The following PABPC4L variants were observed in gnomAD, a reference collection of about 807,000 sequenced individuals.
PABPC4L encodes the protein polyadenylate-binding protein 4-like.
For missense variants in PABPC4L, 452 were observed against 451.4 expected (o/e 1.00, Z -0.01); for synonymous variants, 169 against 164.1 (o/e 1.03, Z -0.23).
At chr4:133,994,853 C>T in the PABPC4L span, among the ~76,000 whole-genome samples, 5 of 152,300 alleles carry the variant, frequency 3.3e-5, no homozygotes, top group East Asian at 9.7e-4. Flanking sequence ...TTAATTACCC[C>T]TGTGATCACA....
At chr4:134,032,242 T>C in the PABPC4L span, among the ~76,000 whole-genome samples, 4 of 151,960 alleles carry the variant, frequency 2.6e-5, no homozygotes, top group Non-Finnish European at 4.4e-5. Context: ...AAAAATATAA[T>C]GTATGTTCCA....
chr4:133,980,911 A>AGGC, the PABPC4L span, among the ~76,000 whole-genome samples: 1 of 152,172 alleles, frequency 6.6e-6, no homozygotes, highest in Non-Finnish European at 1.5e-5. Flanking sequence ...TAATCCCAAA[A>AGGC]CTTTGGGAGG....
At chr4:134,193,943 A>T (rs1460260936), downstream of PABPC4L, among the ~76,000 whole-genome samples, 1 of 151,932 alleles carries the variant, frequency 6.6e-6, no homozygotes. Flanking sequence ...TTGGAATTTC[A>T]TGCTTTTATA....
At chr4:133,957,665 C>T in the PABPC4L span, among the ~76,000 whole-genome samples, 2 of 152,200 alleles carry the variant, frequency 1.3e-5, no homozygotes, top group South Asian at 2.1e-4. Context: ...GAGGGATGCA[C>T]CCCAGCAGTA....
At chr4:134,049,192 A>G in the PABPC4L span, among the ~76,000 whole-genome samples, 1 of 152,046 alleles carries the variant, frequency 6.6e-6, no homozygotes, top group Non-Finnish European at 1.5e-5. Flanking sequence ...AATAACACAA[A>G]TATTTTTGTC....
At chr4:134,183,508 G>A in the PABPC4L span, among the ~76,000 whole-genome samples, 10 of 151,416 alleles carry the variant, frequency 6.6e-5, no homozygotes, top group Non-Finnish European at 1.2e-4. Flanking sequence ...TACCAATAAG[G>A]TACCATGCTT....
At chr4:133,994,709 CA>C in the PABPC4L span, among the ~76,000 whole-genome samples, 1 of 152,094 alleles carries the variant, frequency 6.6e-6, no homozygotes, top group Non-Finnish European at 1.5e-5. Flanking sequence ...CCCGTGCTTC[CA>C]AAACTTCCCT....
chr4:134,161,018 A>G, the PABPC4L span, among the ~76,000 whole-genome samples: 20 of 152,048 alleles, frequency 1.3e-4, no homozygotes, highest in African/African-American at 4.6e-4. Flanking sequence ...TGTGTTGAGG[A>G]AGCTCAATGA....
At position 134,200,056 on chromosome 4, in the gene PABPC4L, C is replaced by A. The variant is rs756917832; in HGVS notation, c.964G>T (p.Val322Phe). The A allele has an allele frequency of 5.2e-6, 8 of 1,551,698 alleles. No homozygotes were observed. Among genetic ancestry groups the A allele is most frequent in the Non-Finnish European group, 6.1e-6 (7 of 1,146,976 alleles). The change falls in exon 2 of 2, where the codon GTT (valine) becomes TTT (phenylalanine). Residue 322 changes from valine to phenylalanine, a missense_variant. Physicochemically the swap from Val to Phe is conservative, Grantham distance 50. Transcript: ENST00000421491. ...TGCCCCTCTTCCTGCATTACCTTAA[C>A]TCTGCTAATTGATCCAAATGAAGAA... ...EFSSFGSISR[V>F]KVMQEEGQSK...
chr4:133,970,360 A>G, the PABPC4L span, among the ~76,000 whole-genome samples: 1 of 151,958 alleles, frequency 6.6e-6, no homozygotes, highest in East Asian at 1.9e-4. Flanking sequence ...TCCTCATTTT[A>G]CATTCTATCC....
At chr4:133,980,333 T>A in the PABPC4L span, among the ~76,000 whole-genome samples, 28 of 152,310 alleles carry the variant, frequency 1.8e-4, no homozygotes, top group Middle Eastern at 3.4e-3. Flanking sequence ...CCTTTACATA[T>A]AGGGTAAATT....
chr4:134,156,543 T>C, the PABPC4L span, among the ~76,000 whole-genome samples: 1 of 151,834 alleles, frequency 6.6e-6, no homozygotes, highest in Non-Finnish European at 1.5e-5. Context: ...AAATAATATT[T>C]CAATAGATTC....
At chr4:134,146,916 T>G in the PABPC4L span, among the ~76,000 whole-genome samples, 2 of 152,098 alleles carry the variant, frequency 1.3e-5, no homozygotes, top group Non-Finnish European at 2.9e-5. Context: ...TTTTCAGGCT[T>G]TAAACTACCC....
the PABPC4L span, among the ~76,000 whole-genome samples, chr4:133,969,749 T>C: frequency 6.6e-6 from 1 of 152,108 alleles, no homozygotes; most frequent in Non-Finnish European, 1.5e-5. Context: ...AAGCGACAAA[T>C]GTTCCCTGCC....
the PABPC4L span, among the ~76,000 whole-genome samples, chr4:134,138,543 T>G: frequency 6.6e-6 from 1 of 151,874 alleles, no homozygotes; most frequent in Admixed American, 6.6e-5. Context: ...CTTTTTCACC[T>G]AATATTTTCT....
chr4:134,044,851 T>C, the PABPC4L span, among the ~76,000 whole-genome samples: 1 of 152,208 alleles, frequency 6.6e-6, no homozygotes, highest in Non-Finnish European at 1.5e-5. Context: ...TATTTGGCAG[T>C]GTTATGTTTC....
chr4:133,952,491 G>A, the PABPC4L span, among the ~76,000 whole-genome samples: 2 of 152,048 alleles, frequency 1.3e-5, no homozygotes, highest in Admixed American at 1.3e-4. Context: ...TTTCTTGACC[G>A]GGAGAATTGG....
the PABPC4L span, among the ~76,000 whole-genome samples, chr4:134,068,767 G>A: frequency 1.3e-5 from 2 of 150,918 alleles, no homozygotes; most frequent in African/African-American, 4.9e-5. Context: ...GGAGTGCAGT[G>A]GTGCAGTCTC....
At chr4:134,041,163 T>G in the PABPC4L span, among the ~76,000 whole-genome samples, 1 of 152,268 alleles carries the variant, frequency 6.6e-6, no homozygotes. Context: ...GAAGACAGTA[T>G]GGTGACTCCT....
Sources: gnomAD v4.1 joint callset for allele counts (sites outside exome capture counted in the v4.1 genomes callset) on GRCh38, gnomAD v4.1.1 for gene constraint, MANE v1.5 for transcripts, NCBI Gene and HGNC (gene_info 2026-07-23, HGNC 2026-07-21) for gene names.